DLGAP1: variants seen among roughly 807,000 people sequenced by gnomAD.
DLGAP1 encodes the protein disks large-associated protein 1.
In DLGAP1, 11 loss-of-function variants were observed where a neutral mutation model predicts 90.8. The observed-to-expected ratio is 0.12, with a 90% CI of 0.08 to 0.20. The LOEUF is 0.20. DLGAP1 is among the 10% of genes least tolerant of loss of function. DLGAP1 has a pLI of 1.00. For synonymous variants in DLGAP1, 558 were observed against 540.7 expected (o/e 1.03, Z -0.44); for missense variants, 1,050 against 1,333.8 (o/e 0.79, Z 3.31).
chr18:3,846,043 G>GGTGGGTGTGT, intron 4 of DLGAP1, among the ~76,000 whole-genome samples: 1 of 145,128 alleles, frequency 6.9e-6, no homozygotes, highest in African/African-American at 2.6e-5. Flanking sequence ...TTGAAAGTGT[G>GGTGGGTGTGT]GTGTGTGTGT....
chr18:4,272,732 T>C (rs1209218211), intron 1 of DLGAP1, among the ~76,000 whole-genome samples: 2 of 152,228 alleles, frequency 1.3e-5, no homozygotes, highest in Admixed American at 6.5e-5. Context: ...GCCTACATTG[T>C]ATGCCCTCAA....
chr18:4,314,578 G>A (rs1159331224), intron 1 of DLGAP1, among the ~76,000 whole-genome samples: 5 of 152,166 alleles, frequency 3.3e-5, no homozygotes, highest in African/African-American at 1.2e-4. Flanking sequence ...GTGATTTACA[G>A]CATGTATCTC....
chr18:3,960,296 T>A (rs1255138900), intron 3 of DLGAP1, among the ~76,000 whole-genome samples: 2 of 152,226 alleles, frequency 1.3e-5, no homozygotes, highest in South Asian at 4.1e-4. Flanking sequence ...TCTCTTCTTG[T>A]GTCTCCTTTG....
intron 2 of DLGAP1, among the ~76,000 whole-genome samples, chr18:4,035,363 A>G (rs369235440): frequency 3.5e-4 from 54 of 152,276 alleles, no homozygotes; most frequent in African/African-American, 1.3e-3. Context: ...CAAAAACAAC[A>G]ACAAAAACAA....
intron 1 of DLGAP1, among the ~76,000 whole-genome samples, chr18:4,247,476 C>T (rs2078677224): frequency 6.6e-6 from 1 of 152,070 alleles, no homozygotes; most frequent in South Asian, 2.1e-4. Context: ...GAAAAGTGTC[C>T]TTAAAAATGT....
intron 2 of DLGAP1, among the ~76,000 whole-genome samples, chr18:4,013,285 T>C (rs992343866): frequency 6.6e-6 from 1 of 152,092 alleles, no homozygotes; most frequent in African/African-American, 2.4e-5. Flanking sequence ...CTCTCTAAGG[T>C]AAGGACTATT....
rs559502344 is a variant in DLGAP1 at position 3,747,960 on chromosome 18, G to A, written c.1173-5448C>T. Among the ~76,000 whole-genome samples the A allele has an allele frequency of 3.9e-5, 6 of 152,254 alleles. No homozygotes were observed. The South Asian group carries it at 1.2e-3, about 32-fold the overall frequency. The stretch of plus-strand genomic sequence containing the variant: ...CTCATTAAATAAACACCAAAATAGT[G>A]CATCGATGACTTTGTCTTTACCTCA... On this transcript the variant is annotated intron_variant, in intron 5 of 12. Transcript: ENST00000315677.
At chr18:4,228,951 C>A (rs1361497658) in intron 1 of DLGAP1, among the ~76,000 whole-genome samples, 3 of 151,928 alleles carry the variant, frequency 2.0e-5, no homozygotes, top group Admixed American at 6.6e-5. Context: ...AACCTAAGGA[C>A]TCCACAAAAA....
At position 3,893,877 on chromosome 18, in the gene DLGAP1, G is replaced by A. The variant is rs28806501; in HGVS notation, c.-72-13737C>T. Among the ~76,000 whole-genome samples the A allele has an allele frequency of 8.9e-3, 1,354 of 152,012 alleles. 23 individuals carry two copies. The highest frequency in any genetic ancestry group is 0.031 in the African/African-American group (1,272 of 41,482). ...CTCATTTCTCCATATCCTTGCCAAC[G>A]TCTGTTATTTTTTGATTTTTTAATG... On this transcript the variant is annotated intron_variant, in intron 3 of 12. Coordinates refer to ENST00000315677, the MANE Select transcript of DLGAP1 (RefSeq NM_004746.4).
chr18:4,216,363 G>C (rs959739983), intron 1 of DLGAP1, among the ~76,000 whole-genome samples: 3 of 152,000 alleles, frequency 2.0e-5, no homozygotes, highest in African/African-American at 7.2e-5. Flanking sequence ...GACTTGGCTG[G>C]TGACAGAGCC....
intron 4 of DLGAP1, among the ~76,000 whole-genome samples, chr18:3,872,677 C>T (rs561368219): frequency 6.6e-6 from 1 of 152,240 alleles, no homozygotes; most frequent in Admixed American, 6.5e-5. Context: ...TGTGTTCTAC[C>T]ATTCACAAAT....
intron 3 of DLGAP1, among the ~76,000 whole-genome samples, chr18:3,953,090 A>C (rs1304116164): frequency 1.3e-5 from 2 of 152,212 alleles, no homozygotes; most frequent in African/African-American, 4.8e-5. Context: ...GTCCTGAGAA[A>C]TTGCTTTACC....
At chr18:3,912,340 G>A (rs990060253) in intron 3 of DLGAP1, among the ~76,000 whole-genome samples, 1 of 152,096 alleles carries the variant, frequency 6.6e-6, no homozygotes, top group Non-Finnish European at 1.5e-5. Flanking sequence ...AAGGAAACTC[G>A]CTCTTTTCTT....
intron 7 of DLGAP1, among the ~76,000 whole-genome samples, chr18:3,723,611 A>G (rs532696713): frequency 6.2e-4 from 95 of 152,014 alleles, no homozygotes; most frequent in Non-Finnish European, 1.0e-3. Flanking sequence ...TGTGGAGTGC[A>G]TGAAGGTGGG....
At chr18:3,920,040 A>G (rs2072231632) in intron 3 of DLGAP1, among the ~76,000 whole-genome samples, 1 of 152,204 alleles carries the variant, frequency 6.6e-6, no homozygotes, top group African/African-American at 2.4e-5. Flanking sequence ...AATGTAAAAA[A>G]GCATTTTAAA....
chr18:4,147,032 G>A (rs953256483), intron 2 of DLGAP1, among the ~76,000 whole-genome samples: 7 of 152,144 alleles, frequency 4.6e-5, no homozygotes, highest in African/African-American at 1.7e-4. Context: ...GATGCATGCA[G>A]ATAAAAGATG....
intron 9 of DLGAP1, among the ~76,000 whole-genome samples, chr18:3,551,714 C>CACTT (rs2053467090): frequency 6.1e-5 from 2 of 32,718 alleles, no homozygotes; most frequent in African/African-American, 3.3e-4. Flanking sequence ...CTCCCTCCCT[C>CACTT]CCTCCCTCCC....
rs548962383 is a variant in DLGAP1, at chr18:4,159,833, C to T, written c.-266-8546G>A. On this transcript the variant is annotated intron_variant, in intron 1 of 12. Coordinates refer to ENST00000315677, the MANE Select transcript of DLGAP1 (RefSeq NM_004746.4). ...GCTAGTTGGAAACTTAGTCTCCATTCTCTTGTTTGTACTTTTTTTTGGTCT... is the reference window on the plus strand; with the variant it reads ...GCTAGTTGGAAACTTAGTCTCCATTTTCTTGTTTGTACTTTTTTTTGGTCT... Among the ~76,000 whole-genome samples, 254 of 152,274 alleles carry T rather than the reference C, an allele frequency of 1.7e-3. 2 individuals are homozygous for T. The highest frequency in any genetic ancestry group is 6.0e-3 in the African/African-American group (248 of 41,564).
chr18:4,256,616 C>T (rs2078892607), intron 1 of DLGAP1, among the ~76,000 whole-genome samples: 1 of 151,936 alleles, frequency 6.6e-6, no homozygotes, highest in Admixed American at 6.6e-5. Context: ...ATCATACATA[C>T]GTGCTGAAGT....
Sources: allele counts gnomAD v4.1 joint callset (sites outside exome capture counted in the v4.1 genomes callset), GRCh38; gene constraint gnomAD v4.1.1; transcripts MANE v1.5; gene names NCBI Gene and HGNC (gene_info 2026-07-23, HGNC 2026-07-21).